The following OSTM1 variants were observed in gnomAD, a reference collection of about 807,000 sequenced individuals.
The protein encoded by OSTM1 is osteoclastogenesis associated transmembrane protein 1.
In OSTM1, 26 loss-of-function variants were observed where a neutral mutation model predicts 35.4. That is an observed-to-expected ratio of 0.73 (90% CI 0.54 to 1.02). The LOEUF (loss-of-function observed/expected upper bound fraction) is 1.02. Ranked by LOEUF, OSTM1 falls within the 50% of genes least tolerant of loss-of-function variation. The probability of loss-of-function intolerance (pLI) is 0.00; values close to 1 mark genes in which losing one functional copy is unlikely to be tolerated. For synonymous variants in OSTM1, 181 were observed against 165.0 expected, an observed-to-expected ratio of 1.10 and a Z score of -0.75; for missense variants, 366 against 409.6, an observed-to-expected ratio of 0.89 and a Z score of 0.92.
At chr6:108,050,087 GA>G (rs968231277) in intron 4 of OSTM1, among the ~76,000 whole-genome samples, 19 of 151,394 alleles carry the variant, frequency 1.3e-4, no homozygotes, top group Non-Finnish European at 2.4e-4. Flanking sequence ...ATAAAATGGA[GA>G]AAAAAAAATT....
At chr6:108,058,037 A>T (rs1772198083) in intron 2 of OSTM1, among the ~76,000 whole-genome samples, 1 of 147,468 alleles carries the variant, frequency 6.8e-6, no homozygotes, top group Non-Finnish European at 1.5e-5. Context: ...TCAGCTTAAG[A>T]GTCAATCTTT....
intron 1 of OSTM1, among the ~76,000 whole-genome samples, chr6:108,066,220 A>G (rs998446271): frequency 6.6e-6 from 1 of 152,124 alleles, no homozygotes; most frequent in African/African-American, 2.4e-5. Flanking sequence ...TTAGGCCGTG[A>G]TATGTAGGGT....
chr6:108,058,755 G>T (rs1036609767), intron 2 of OSTM1, among the ~76,000 whole-genome samples: 1 of 152,054 alleles, frequency 6.6e-6, no homozygotes, highest in Non-Finnish European at 1.5e-5. Flanking sequence ...TCCGGCCTGG[G>T]TGACAGAGCA....
chr6:108,046,344 T>C (rs1446889954), intron 5 of OSTM1, among the ~76,000 whole-genome samples: 1 of 132,758 alleles, frequency 7.5e-6, no homozygotes, highest in African/African-American at 2.9e-5. Flanking sequence ...GTTTCTTTTT[T>C]TTCTTTTTTT....
intron 2 of OSTM1, among the ~76,000 whole-genome samples, chr6:108,061,259 T>C (rs1461984104): frequency 6.6e-6 from 1 of 152,156 alleles, no homozygotes; most frequent in East Asian, 1.9e-4. Flanking sequence ...CTTATCCCAT[T>C]TTAGTTTTTC....
intron 3 of OSTM1, among the ~76,000 whole-genome samples, 155 bp from the exon 4 acceptor site, chr6:108,051,353 C>T (rs936686539): frequency 2.6e-5 from 4 of 152,170 alleles, no homozygotes; most frequent in Admixed American, 2.0e-4. Context: ...CACTCTGAGT[C>T]TCAGTTTTAT....
At chr6:108,065,239 CTTTT>C (rs11300140) in intron 1 of OSTM1, among the ~76,000 whole-genome samples, 6 of 140,408 alleles carry the variant, frequency 4.3e-5, no homozygotes, top group Admixed American at 1.4e-4. Flanking sequence ...TCTATTATCA[CTTTT>C]TTTTTTTTTT....
chr6:108,055,279 A>G (rs1772150129), intron 2 of OSTM1, among the ~76,000 whole-genome samples: 1 of 151,724 alleles, frequency 6.6e-6, no homozygotes, highest in Non-Finnish European at 1.5e-5. Context: ...ATCACAATTT[A>G]TGTATCCATT....
At chr6:108,052,511 CTTT>C (rs35984071) in intron 3 of OSTM1, among the ~76,000 whole-genome samples, 1 of 108,086 alleles carries the variant, frequency 9.3e-6, no homozygotes. Context: ...GTAATTTAAC[CTTT>C]TTTTTTTTTT....
intron 2 of OSTM1, among the ~76,000 whole-genome samples, chr6:108,059,649 T>C (rs914041301): frequency 5.3e-5 from 8 of 152,218 alleles, no homozygotes; most frequent in South Asian, 4.1e-4. Flanking sequence ...TTTTCTGTTA[T>C]TTAATAATAT....
chr6:108,064,361 G>C, intron 1 of OSTM1, 62 bp from the exon 2 acceptor site: 1 of 898,336 alleles, frequency 1.1e-6, no homozygotes, highest in Non-Finnish European at 1.9e-6. Context: ...CAAACAACTT[G>C]AGGCAAAAAC....
intron 2 of OSTM1, among the ~76,000 whole-genome samples, chr6:108,062,036 T>G (rs1562374257): frequency 6.6e-6 from 1 of 152,138 alleles, no homozygotes; most frequent in Non-Finnish European, 1.5e-5. Flanking sequence ...TCTATGTTTT[T>G]TTTTCTAGTA....
chr6:108,048,536 A>T (rs1004207493), intron 5 of OSTM1, among the ~76,000 whole-genome samples: 2 of 152,020 alleles, frequency 1.3e-5, no homozygotes, highest in African/African-American at 4.8e-5. Context: ...TCACAAACAA[A>T]CTGTCTGTTA....
chr6:108,073,547 A>G (rs543256205), intron 1 of OSTM1: 4 of 152,400 alleles, frequency 2.6e-5, no homozygotes, highest in Admixed American at 2.0e-4. Context: ...ACTTAGAGGT[A>G]TTACTATGTG....
rs199677009 is a variant in OSTM1, at chr6:108,054,474, A to G, written c.615+16T>C. On this transcript the variant is annotated intron_variant, in intron 3 of 5. Transcript: ENST00000193322. ...ACAAGGCAGCATTTTAATTTTAAAT[A>G]TTATATATAAAATACCTGAAGGTTA... 3.3e-5 allele frequency: 39 copies of G among 1,184,936 alleles called. No homozygotes were observed. The African/African-American group carries it at 3.8e-4, about 12-fold the overall frequency. 73.4% of individuals were successfully genotyped at this position (1,184,936 alleles called of 1,614,324 possible).
chr6:108,057,385 G>A (rs1772187141), intron 2 of OSTM1, among the ~76,000 whole-genome samples: 1 of 152,164 alleles, frequency 6.6e-6, no homozygotes, highest in East Asian at 1.9e-4. Flanking sequence ...ATGTGTTGCA[G>A]GGAAGTTAAG....
rs772836505 is a variant in OSTM1 at position 108,074,459 on chromosome 6, C to A, written c.193G>T (p.Gly65Cys). 1.9e-6 allele frequency: 3 copies of A among 1,557,354 alleles called. No individual in the cohort carries two copies. The South Asian group carries it at 3.5e-5, about 18-fold the overall frequency. ...VEDLSLSLLQ[G>C]GGLGPLSLPP... is the part of the protein sequence containing the mutation. ...AGCGACAGAGGCCCCAGCCCTCCAC[C>A]CTGCAGGAGGGACAGGGACAAGTCC... is the stretch of plus-strand genomic sequence containing the variant. The change falls in exon 1 of 6, where the codon GGT becomes TGT. Residue 65 changes from glycine (G) to cysteine (C), a missense_variant. By Grantham distance (159) the Gly-to-Cys change is radical. Coordinates refer to ENST00000193322, the MANE Select transcript of OSTM1 (RefSeq NM_014028.4).
intron 3 of OSTM1, among the ~76,000 whole-genome samples, chr6:108,051,751 C>A (rs1212957009): frequency 6.6e-6 from 1 of 152,136 alleles, no homozygotes; most frequent in African/African-American, 2.4e-5. Flanking sequence ...ATAATCCAGG[C>A]CTTTCTAGTC....
rs914080344 is a variant in OSTM1, at chr6:108,049,641, A to G, written c.784-223T>C. On this transcript the variant is annotated intron_variant, in intron 4 of 5. Coordinates refer to ENST00000193322, the MANE Select transcript of OSTM1 (RefSeq NM_014028.4). ...TATCCATACAGAAATTTCATATTCT[A>G]AGTCCATAATACTGACCAAAGTATT... The G allele has an allele frequency of 6.5e-6, 7 of 1,084,236 alleles. No individual in the cohort carries two copies. The Admixed American group carries it at 1.5e-4, about 24-fold the overall frequency. The allele number at this position is 1,084,236 out of a possible 1,614,324, so 67.2% of individuals were successfully genotyped here.
Sources: gnomAD v4.1 joint callset for allele counts (sites outside exome capture counted in the v4.1 genomes callset) on GRCh38, gnomAD v4.1.1 for gene constraint, MANE v1.5 for transcripts, NCBI Gene and HGNC (gene_info 2026-07-23, HGNC 2026-07-21) for gene names.